Variants in BACE2 observed in about 807,000 individuals in gnomAD.
BACE2 encodes beta-secretase 2, also known as 56 kDa aspartic-like protease.
Under a neutral mutation model 46.2 loss-of-function variants are expected in BACE2, and 17 were observed. The ratio of observed to expected loss-of-function variants is 0.37; its 90% CI spans 0.25 to 0.55. BACE2 has a LOEUF of 0.55. Among genes scored for constraint, BACE2 ranks in the 20% least tolerant of loss-of-function variants. The pLI is 0.82. For synonymous variants in BACE2, 277 were observed against 295.9 expected (o/e 0.94, Z 0.66); for missense variants, 595 against 698.1 (o/e 0.85, Z 1.66).
chr21:41,222,373 A>C (rs1986684744), intron 1 of BACE2, among the ~76,000 whole-genome samples: 1 of 152,192 alleles, frequency 6.6e-6, no homozygotes, highest in Non-Finnish European at 1.5e-5. Context: ...TTCGTGGAGA[A>C]GGTGGCGTTG....
intron 1 of BACE2, among the ~76,000 whole-genome samples, chr21:41,217,540 G>A (rs925091881): frequency 6.6e-6 from 1 of 152,064 alleles, no homozygotes; most frequent in Non-Finnish European, 1.5e-5. Flanking sequence ...GAACACTCAG[G>A]GCCCTGTGCC....
At position 41,279,977 on chromosome 21, in the gene BACE2, C is replaced by T. The variant is rs1189176454; in HGVS notation, c.*4353C>T. On this transcript the variant is annotated 3_prime_UTR_variant, in exon 9 of 9. Transcript: ENST00000330333. ...GAACGTCCCCAGGATGCCGTGGGCA[C>T]CTCATTTCACCCCACGTTTTTGGCA... 6.6e-6 allele frequency: 1 copy of T among 152,196 alleles called. No individual in the cohort carries two copies. The highest frequency in any genetic ancestry group is 6.5e-5 in the Admixed American group (1 of 15,276). 9.4% of individuals were successfully genotyped at this position (152,196 alleles called of 1,614,324 possible).
intron 8 of BACE2, among the ~76,000 whole-genome samples, chr21:41,270,545 G>C (rs1445529232): frequency 1.3e-5 from 2 of 152,106 alleles, no homozygotes; most frequent in Non-Finnish European, 2.9e-5. Flanking sequence ...GTCGCCTAAA[G>C]TGCTGGGATT....
chr21:41,254,324 A>G (rs1182674327), intron 7 of BACE2, among the ~76,000 whole-genome samples: 1 of 152,084 alleles, frequency 6.6e-6, no homozygotes, highest in East Asian at 1.9e-4. Flanking sequence ...GTGTGGTCAC[A>G]TGGCAGCCCC....
rs143020788 is a variant in BACE2, at chr21:41,193,722, A to G, written c.312+25147A>G. ...GCATTCTGGCACTGGGAAAATGACCACAGGATGAGTCCGAGGACCCACTGG... is the reference window on the plus strand; with the variant it reads ...GCATTCTGGCACTGGGAAAATGACCGCAGGATGAGTCCGAGGACCCACTGG... On this transcript the variant is annotated intron_variant, in intron 1 of 8. Transcript: ENST00000330333. The surrounding 1 kb of genome is among the most constrained non-coding windows in gnomAD (Gnocchi z 4.2). 5.2e-3 allele frequency among the ~76,000 whole-genome samples: 792 copies of G among 152,294 alleles called. 10 individuals are homozygous for G. Among genetic ancestry groups the G allele is most frequent in the African/African-American group, 0.018 (760 of 41,550 alleles).
intron 7 of BACE2, among the ~76,000 whole-genome samples, chr21:41,256,812 A>G (rs1987798899): frequency 1.3e-5 from 2 of 152,314 alleles, no homozygotes; most frequent in South Asian, 4.1e-4. Flanking sequence ...CTCATGGGCC[A>G]TGGTCACTCA....
chr21:41,168,360 C>T lies in BACE2; in HGVS notation c.97C>T (p.Leu33Phe). 3 of 1,393,530 alleles carry T rather than the reference C, an allele frequency of 2.2e-6. No homozygotes were observed. The highest frequency in any genetic ancestry group is 2.8e-6 in the Non-Finnish European group (3 of 1,070,042). The allele number at this position is 1,393,530 out of a possible 1,614,324, so 86.3% of individuals were successfully genotyped here. A position where few individuals can be genotyped will look rare whatever the true frequency, so the allele number is the denominator to read the frequency against. ...ELAPAPFTLP[L>F]RVAAATNRVV... ...GGCCCCCGCGCCCTTCACGCTGCCCCTCCGGGTGGCCGCGGCCACGAACCG... is the reference window on the plus strand; with the variant it reads ...GGCCCCCGCGCCCTTCACGCTGCCCTTCCGGGTGGCCGCGGCCACGAACCG... The change falls in exon 1 of 9, where the codon CTC (leucine) becomes TTC (phenylalanine). Residue 33 changes from leucine (L) to phenylalanine (F), a missense_variant. Transcript: ENST00000330333.
At chr21:41,229,114 G>A (rs1032971226) in intron 2 of BACE2, among the ~76,000 whole-genome samples, 3 of 152,136 alleles carry the variant, frequency 2.0e-5, no homozygotes, top group African/African-American at 7.2e-5. Context: ...TTCCCCTAGG[G>A]GACAGGACCT....
intron 1 of BACE2, among the ~76,000 whole-genome samples, chr21:41,192,044 C>G (rs1985589799): frequency 6.6e-6 from 1 of 152,248 alleles, no homozygotes; most frequent in Non-Finnish European, 1.5e-5. Flanking sequence ...GCCATTTCTC[C>G]TTCCATGCAA....
intron 1 of BACE2, among the ~76,000 whole-genome samples, chr21:41,207,850 CG>C (rs921693490): frequency 2.0e-5 from 3 of 152,206 alleles, no homozygotes; most frequent in Admixed American, 2.0e-4. Flanking sequence ...AGACCCTGGT[CG>C]GGGGTGATCC....
At chr21:41,211,784 GGCT>G (rs1986310416) in intron 1 of BACE2, among the ~76,000 whole-genome samples, 1 of 152,222 alleles carries the variant, frequency 6.6e-6, no homozygotes, top group South Asian at 2.1e-4. Flanking sequence ...AGAAATCTCA[GGCT>G]GCTAATCACT....
intron 8 of BACE2, among the ~76,000 whole-genome samples, chr21:41,257,702 C>T (rs1383337937): frequency 1.3e-5 from 2 of 152,172 alleles, no homozygotes; most frequent in Non-Finnish European, 2.9e-5. Flanking sequence ...TAAAGCTGTC[C>T]TCATTTTGAA....
chr21:41,206,802 A>G (rs1449790054), intron 1 of BACE2, among the ~76,000 whole-genome samples: 2 of 152,246 alleles, frequency 1.3e-5, no homozygotes, highest in African/African-American at 4.8e-5. Flanking sequence ...ATGTGTATTT[A>G]CCACATTTTA....
intron 2 of BACE2, among the ~76,000 whole-genome samples, chr21:41,236,230 C>T (rs1005266560): frequency 6.6e-6 from 1 of 152,158 alleles, no homozygotes; most frequent in African/African-American, 2.4e-5. Flanking sequence ...GCCATGACAC[C>T]TGCTGTCCTC....
At chr21:41,186,067 CACCTAA>C (rs1342224362) in intron 1 of BACE2, 1 of 152,348 alleles carries the variant, frequency 6.6e-6, no homozygotes, top group Non-Finnish European at 1.5e-5. Context: ...TGCTTCAAGG[CACCTAA>C]ACCGTGGGGA....
intron 1 of BACE2, among the ~76,000 whole-genome samples, chr21:41,207,621 A>G (rs1230479868): frequency 6.6e-6 from 1 of 151,590 alleles, no homozygotes; most frequent in South Asian, 2.1e-4. Flanking sequence ...TGCCTCCCCA[A>G]CCCCGCCCCA....
chr21:41,239,777 G>A (rs1987236782), intron 3 of BACE2, among the ~76,000 whole-genome samples: 1 of 152,196 alleles, frequency 6.6e-6, no homozygotes, highest in South Asian at 2.1e-4. Flanking sequence ...AGCCAGGGCT[G>A]GCTCATGAAC....
intron 8 of BACE2, among the ~76,000 whole-genome samples, chr21:41,261,181 A>G (rs550987533): frequency 6.6e-6 from 1 of 152,340 alleles, no homozygotes; most frequent in East Asian, 1.9e-4. Context: ...ATGATTTATT[A>G]TGCAACTCTT....
At chr21:41,210,494 T>C (rs933661553) in intron 1 of BACE2, among the ~76,000 whole-genome samples, 1 of 152,210 alleles carries the variant, frequency 6.6e-6, no homozygotes, top group African/African-American at 2.4e-5. Context: ...GATTCTGTTC[T>C]CATGGCACAG....
Sources: gnomAD v4.1 joint callset for allele counts (sites outside exome capture counted in the v4.1 genomes callset) on GRCh38, gnomAD v4.1.1 for gene constraint, Gnocchi (gnomAD v3.1) non-coding constraint, MANE v1.5 for transcripts, NCBI Gene and HGNC (gene_info 2026-07-23, HGNC 2026-07-21) for gene names.